The following AQP9 variants were observed in gnomAD, a reference collection of about 807,000 sequenced individuals.
AQP9 encodes aquaporin 9.
In AQP9, 19 loss-of-function variants were observed where a neutral mutation model predicts 23.8. That is an observed-to-expected ratio of 0.80 (90% CI 0.56 to 1.17). The LOEUF is 1.17. Among genes scored for constraint, AQP9 ranks in the 50% most tolerant of loss-of-function variants. AQP9 has a pLI of 0.00. For missense variants in AQP9, 413 were observed against 362.0 expected (o/e 1.14, Z -1.14); for synonymous variants, 153 against 131.5 (o/e 1.16, Z -1.12).
rs8030353 is a variant in AQP9 at position 58,173,247 on chromosome 15, C to T, written c.376+42C>T. 4.8e-3 allele frequency: 7,732 copies of T among 1,607,618 alleles called. 355 individuals carry two copies. The African/African-American group carries it at 0.092, about 19-fold the overall frequency. ...AGTCCTAAGGTTAGGAAGAGCTGGG[C>T]ATAATTTGAAAGTCAGAATTACTTG... is the stretch of plus-strand genomic sequence containing the variant. On this transcript the variant is annotated intron_variant, in intron 3 of 5. Transcript: ENST00000219919.
chr15:58,158,212 C>A (rs1898303520), intron 1 of AQP9, among the ~76,000 whole-genome samples: 1 of 152,134 alleles, frequency 6.6e-6, no homozygotes, highest in African/African-American at 2.4e-5. Flanking sequence ...TATTCCACAT[C>A]CTATGGAAAA....
intron 2 of AQP9, among the ~76,000 whole-genome samples, chr15:58,169,505 T>A (rs1358110700): frequency 5.3e-5 from 8 of 152,078 alleles, no homozygotes; most frequent in Non-Finnish European, 1.2e-4. Flanking sequence ...GAAGATTGTG[T>A]GTGGGAGGTG....
intron 1 of AQP9, among the ~76,000 whole-genome samples, chr15:58,157,460 A>G (rs1282133002): frequency 6.6e-6 from 1 of 152,220 alleles, no homozygotes; most frequent in East Asian, 1.9e-4. Context: ...TAAAGGGGGC[A>G]GGTGGGAGTT....
chr15:58,171,574 G>C (rs1156536430), intron 2 of AQP9, among the ~76,000 whole-genome samples: 1 of 152,160 alleles, frequency 6.6e-6, no homozygotes, highest in East Asian at 1.9e-4. Context: ...TCCTGGATTT[G>C]AAAGGAAAAC....
At chr15:58,181,062 C>A (rs66717621) in intron 5 of AQP9, among the ~76,000 whole-genome samples, 16 of 152,228 alleles carry the variant, frequency 1.1e-4, no homozygotes, top group South Asian at 4.1e-4. Flanking sequence ...CCCTTTGAGA[C>A]CTCCTTGGTG....
intron 1 of AQP9, chr15:58,150,148 G>T (rs1163798577): frequency 6.5e-6 from 1 of 152,716 alleles, no homozygotes; most frequent in African/African-American, 2.4e-5. Flanking sequence ...CAGGGAAATG[G>T]ATAGCGTATG....
At chr15:58,147,818 C>G (rs1350201100) in intron 1 of AQP9, among the ~76,000 whole-genome samples, 1 of 152,044 alleles carries the variant, frequency 6.6e-6, no homozygotes, top group Non-Finnish European at 1.5e-5. Flanking sequence ...TACAAAAATA[C>G]TCTAAGCTAT....
chr15:58,149,028 G>A (rs764232211), intron 1 of AQP9, among the ~76,000 whole-genome samples: 1 of 152,170 alleles, frequency 6.6e-6, no homozygotes, highest in African/African-American at 2.4e-5. Flanking sequence ...GAAGATCCAG[G>A]TTTCAGTCTT....
At chr15:58,179,418 G>A in intron 5 of AQP9, 73 bp downstream of exon 5, 1 of 1,386,484 alleles carries the variant, frequency 7.2e-7, no homozygotes, top group Non-Finnish European at 9.9e-7. Flanking sequence ...GCTTTGACAT[G>A]GAGATCCAGG....
intron 1 of AQP9, 42 bp downstream of exon 1, chr15:58,138,718 C>A: frequency 6.5e-7 from 1 of 1,543,474 alleles, no homozygotes; most frequent in Non-Finnish European, 9.0e-7. Flanking sequence ...CCAATAATGC[C>A]TCCCTAGCTG....
At chr15:58,181,614 G>T (rs1463059982) in intron 5 of AQP9, among the ~76,000 whole-genome samples, 3 of 152,160 alleles carry the variant, frequency 2.0e-5, no homozygotes, top group African/African-American at 7.2e-5. Flanking sequence ...AAGAAAGTTG[G>T]AAAGGGCCGT....
intron 1 of AQP9, among the ~76,000 whole-genome samples, chr15:58,147,236 G>A (rs1208320689): frequency 6.6e-6 from 1 of 151,894 alleles, no homozygotes; most frequent in South Asian, 2.1e-4. Flanking sequence ...CCAGAAGTGG[G>A]TTTCGTCAGT....
intron 4 of AQP9, among the ~76,000 whole-genome samples, chr15:58,176,616 C>CT (rs11296169): frequency 2.1e-3 from 282 of 135,422 alleles, no homozygotes; most frequent in African/African-American, 5.2e-3. Context: ...TTTCTCTAAG[C>CT]TTTTTTTTTT....
intron 3 of AQP9, 117 bp from the exon 4 acceptor site, chr15:58,174,801 T>A: frequency 1.2e-6 from 1 of 802,790 alleles, no homozygotes; most frequent in East Asian, 2.5e-5. Context: ...GAGAGACAAA[T>A]GACATGGCTA....
intron 5 of AQP9, among the ~76,000 whole-genome samples, chr15:58,182,522 T>A (rs1898915931): frequency 6.6e-6 from 1 of 152,182 alleles, no homozygotes; most frequent in Admixed American, 6.5e-5. Context: ...GGAAGAAATT[T>A]GCCATAAAAG....
At chr15:58,179,101 G>A (rs1595746781) in intron 4 of AQP9, 27 bp from the exon 5 acceptor site, 1 of 1,531,392 alleles carries the variant, frequency 6.5e-7, no homozygotes, top group Non-Finnish European at 9.1e-7. Context: ...GCAGGCTAAA[G>A]CCCTGGCTCA....
intron 2 of AQP9, among the ~76,000 whole-genome samples, chr15:58,170,993 C>T (rs1438172122): frequency 6.6e-6 from 1 of 152,020 alleles, no homozygotes; most frequent in African/African-American, 2.4e-5. Flanking sequence ...GGCGCAATCT[C>T]TGCTCACTGC....
chr15:58,172,977 G>T, intron 2 of AQP9, 91 bp from the exon 3 acceptor site: 1 of 1,532,018 alleles, frequency 6.5e-7, no homozygotes, highest in Non-Finnish European at 9.0e-7. Context: ...TCTCTGCCTA[G>T]AAGACTGAAT....
At chr15:58,182,244 G>C (rs781650010) in intron 5 of AQP9, among the ~76,000 whole-genome samples, 2 of 152,158 alleles carry the variant, frequency 1.3e-5, no homozygotes, top group Non-Finnish European at 2.9e-5. Context: ...TTTTCAAATA[G>C]TTGGCCCAAA....
Sources: gnomAD v4.1 joint callset for allele counts (sites outside exome capture counted in the v4.1 genomes callset) on GRCh38, gnomAD v4.1.1 for gene constraint, MANE v1.5 for transcripts, NCBI Gene and HGNC (gene_info 2026-07-23, HGNC 2026-07-21) for gene names.